RGS7: variants seen among roughly 807,000 people sequenced by gnomAD.
RGS7 encodes the protein regulator of G protein signaling 7.
RGS7 carries 27 observed loss-of-function variants against 81.1 expected under a neutral mutation model. The observed-to-expected ratio is 0.33, with a 90% CI of 0.25 to 0.46. The LOEUF (loss-of-function observed/expected upper bound fraction) is 0.46, where lower values mean the gene tolerates loss of function less well. Ranked by LOEUF, RGS7 falls within the 20% of genes least tolerant of loss-of-function variation. The pLI is 1.00. For missense variants in RGS7, 396 were observed against 607.4 expected, an observed-to-expected ratio of 0.65 and a Z score of 3.66; for synonymous variants, 208 against 207.7, an observed-to-expected ratio of 1.00 and a Z score of -0.01.
chr1:240,923,378 T>G (rs561370152), intron 6 of RGS7, among the ~76,000 whole-genome samples: 1 of 152,124 alleles, frequency 6.6e-6, no homozygotes, highest in Non-Finnish European at 1.5e-5. Context: ...ACATACTATA[T>G]TATGGTAAGT....
At chr1:241,120,535 G>A (rs1415042451) in intron 2 of RGS7, among the ~76,000 whole-genome samples, 1 of 151,954 alleles carries the variant, frequency 6.6e-6, no homozygotes, top group Non-Finnish European at 1.5e-5. Context: ...TTGTAGAGAT[G>A]GAGTCTTGCT....
chr1:240,960,717 T>A (rs962064695), intron 4 of RGS7, among the ~76,000 whole-genome samples: 1 of 152,110 alleles, frequency 6.6e-6, no homozygotes, highest in African/African-American at 2.4e-5. Flanking sequence ...ATTCTGCCCA[T>A]GAAAAGCAAT....
At chr1:240,904,491 C>T (rs1670516697) in intron 6 of RGS7, among the ~76,000 whole-genome samples, 1 of 152,130 alleles carries the variant, frequency 6.6e-6, no homozygotes, top group Admixed American at 6.6e-5. Flanking sequence ...GAAATATATG[C>T]TTGTTACCTG....
rs74321057 is a variant in RGS7 at position 241,226,500 on chromosome 1, C to T, written c.79-127738G>A. Among the ~76,000 whole-genome samples, 646 of 152,260 alleles carry T rather than the reference C, an allele frequency of 4.2e-3. 6 individuals carry two copies. The highest frequency in any genetic ancestry group is 0.015 in the African/African-American group (621 of 41,554). On this transcript the variant is annotated intron_variant, in intron 2 of 18. Coordinates refer to ENST00000440928, the MANE Select transcript of RGS7 (RefSeq NM_001364886.1). The stretch of plus-strand genomic sequence containing the variant: ...CTTCATACAGTCCACCTTTTCTGAG[C>T]ACCTGTTAGCAGCCAGGCAGTGTAG...
rs138948873 is a variant in RGS7, at chr1:240,968,661, T to A, written c.226+14418A>T. The stretch of plus-strand genomic sequence containing the variant: ...GTTACAATTGAGGTTTTTAGACTCA[T>A]TATTTTTAAAAGGGTGACCTTTTAC... On this transcript the variant is annotated intron_variant, in intron 4 of 18. Coordinates refer to ENST00000440928, the MANE Select transcript of RGS7 (RefSeq NM_001364886.1). 5.8e-3 allele frequency among the ~76,000 whole-genome samples: 880 copies of A among 152,292 alleles called. 7 individuals are homozygous for A. The highest frequency in any genetic ancestry group is 0.02 in the African/African-American group (841 of 41,564).
chr1:240,816,387 C>T lies in RGS7; in HGVS notation c.713G>A (p.Arg238Lys). ...GGGTGTGTGGGTAGGACTGTGACTT[C>T]TAATATCATTTTGTAAACCATAGAC... Reference protein sequence around the residue: ...KSVYGLQNDIRSHSPTHTPTP... With the variant: ...KSVYGLQNDIKSHSPTHTPTP... Residue 238 changes from arginine (R) to lysine (K), a missense_variant, in exon 11 of 19, where the codon AGA becomes AAA. Coordinates refer to ENST00000440928, the MANE Select transcript of RGS7 (RefSeq NM_001364886.1). The T allele has an allele frequency of 6.2e-7, 1 of 1,608,654 alleles. No homozygotes were observed. Among genetic ancestry groups the T allele is most frequent in the Non-Finnish European group, 8.5e-7 (1 of 1,175,240 alleles).
chr1:241,179,556 T>G lies in RGS7; in HGVS notation c.79-80794A>C, dbSNP rs544796827. Reference sequence around the variant, plus strand: ...TCACAGTCTAGCTCCAAGGACCCCTTGTTATTCATAATATTTACTGCATAT... The same window carrying G: ...TCACAGTCTAGCTCCAAGGACCCCTGGTTATTCATAATATTTACTGCATAT... On this transcript the variant is annotated intron_variant, in intron 2 of 18. Coordinates refer to ENST00000440928, the MANE Select transcript of RGS7 (RefSeq NM_001364886.1). Among the ~76,000 whole-genome samples, 5 of 152,316 alleles carry G rather than the reference T, an allele frequency of 3.3e-5. No individual in the cohort carries two copies. The South Asian group carries it at 8.3e-4, about 25-fold the overall frequency.
rs189290052 is a variant in RGS7 at position 240,797,821 on chromosome 1, C to A, written c.*6+2820G>T. The stretch of plus-strand genomic sequence containing the variant: ...ACATAGTAACCCTTGGAAGACCAAC[C>A]TTAAGAGACTTCTCTGATAGCAAGA... On this transcript the variant is annotated intron_variant, in intron 18 of 18. Coordinates refer to ENST00000440928, the MANE Select transcript of RGS7 (RefSeq NM_001364886.1). Among the ~76,000 whole-genome samples the A allele has an allele frequency of 8.5e-5, 13 of 152,188 alleles. No individual in the cohort carries two copies. In the East Asian group the frequency reaches 2.5e-3, roughly 29 times the overall value.
At chr1:241,336,836 T>C (rs1046838194) in intron 2 of RGS7, among the ~76,000 whole-genome samples, 2 of 152,218 alleles carry the variant, frequency 1.3e-5, no homozygotes, top group Admixed American at 6.5e-5. Flanking sequence ...TCCTCTGGAA[T>C]AGGATATTCC....
chr1:241,031,153 T>A (rs2060067551), intron 3 of RGS7, among the ~76,000 whole-genome samples: 1 of 152,198 alleles, frequency 6.6e-6, no homozygotes, highest in Admixed American at 6.5e-5. Context: ...GTCTTCAATG[T>A]CTATGAATTC....
chr1:240,944,868 C>T (rs1678335799), intron 4 of RGS7, among the ~76,000 whole-genome samples: 1 of 152,212 alleles, frequency 6.6e-6, no homozygotes, highest in African/African-American at 2.4e-5. Context: ...CATGCGCCAC[C>T]ACGCCCGGCT....
chr1:240,908,214 G>A (rs1671161317), intron 6 of RGS7, among the ~76,000 whole-genome samples: 1 of 121,022 alleles, frequency 8.3e-6, no homozygotes, highest in African/African-American at 3.0e-5. Flanking sequence ...GGGGGGAGGG[G>A]GGAGGGATAG....
intron 3 of RGS7, among the ~76,000 whole-genome samples, chr1:241,030,253 T>C (rs968841782): frequency 1.3e-5 from 2 of 151,460 alleles, no homozygotes; most frequent in African/African-American, 4.9e-5. Context: ...CCGTGGGCTG[T>C]TGAGATACAA....
At chr1:241,119,482 C>G (rs1317582600) in intron 2 of RGS7, among the ~76,000 whole-genome samples, 1 of 152,188 alleles carries the variant, frequency 6.6e-6, no homozygotes, top group Non-Finnish European at 1.5e-5. Flanking sequence ...GAATCTGAAA[C>G]TTTTAACAAT....
rs879262476 is a variant in RGS7, at chr1:241,244,853, A to G, written c.78+110846T>C. Among the ~76,000 whole-genome samples the G allele has an allele frequency of 5.9e-4, 90 of 151,874 alleles. 1 individual carries two copies. The highest frequency in any genetic ancestry group is 6.8e-3 in the Middle Eastern group (2 of 294). ...CCATTATTCTCAGCAAACTATCGCAAGGACAAAAAAACCAAGCACCGCATG... is the reference window on the plus strand; with the variant it reads ...CCATTATTCTCAGCAAACTATCGCAGGGACAAAAAAACCAAGCACCGCATG... On this transcript the variant is annotated intron_variant, in intron 2 of 18. Transcript: ENST00000440928.
chr1:240,925,073 C>A (rs1674205468), intron 6 of RGS7, among the ~76,000 whole-genome samples: 1 of 151,926 alleles, frequency 6.6e-6, no homozygotes, highest in Non-Finnish European at 1.5e-5. Flanking sequence ...TTGAAAGGAG[C>A]CAGCCTAAAG....
At chr1:241,354,106 A>G (rs2083416172) in intron 2 of RGS7, among the ~76,000 whole-genome samples, 1 of 152,152 alleles carries the variant, frequency 6.6e-6, no homozygotes, top group African/African-American at 2.4e-5. Context: ...TTTCCAACCA[A>G]AAGTCTAACT....
chr1:240,987,385 A>G (rs1685819743), intron 3 of RGS7, among the ~76,000 whole-genome samples: 1 of 152,236 alleles, frequency 6.6e-6, no homozygotes, highest in South Asian at 2.1e-4. Context: ...TTTCAGGGAA[A>G]TGGAAAAGCT....
At chr1:241,076,158 T>C (rs907617775) in intron 3 of RGS7, among the ~76,000 whole-genome samples, 1 of 152,122 alleles carries the variant, frequency 6.6e-6, no homozygotes. Context: ...TGGCATGATG[T>C]ATGCAACGTG....
Sources: gnomAD v4.1 joint callset for allele counts (sites outside exome capture counted in the v4.1 genomes callset) on GRCh38, gnomAD v4.1.1 for gene constraint, MANE v1.5 for transcripts, NCBI Gene and HGNC (gene_info 2026-07-23, HGNC 2026-07-21) for gene names.